ARMH3: variants seen among roughly 807,000 people sequenced by gnomAD.
ARMH3 encodes the protein armadillo-like helical domain-containing protein 3.
A neutral mutation model predicts 99.1 loss-of-function variants in ARMH3; 60 were observed. The ratio of observed to expected loss-of-function variants is 0.61; its 90% confidence interval spans 0.49 to 0.75. The LOEUF is 0.75. Among genes scored for constraint, ARMH3 ranks in the 30% least tolerant of loss-of-function variants. The pLI, the probability that ARMH3 is intolerant of heterozygous loss-of-function variation, is 0.00. For synonymous variants in ARMH3, 285 were observed against 292.8 expected, an observed-to-expected ratio of 0.97 and a Z score of 0.27; for missense variants, 679 against 843.1, an observed-to-expected ratio of 0.81 and a Z score of 2.41.
intron 23 of ARMH3, among the ~76,000 whole-genome samples, chr10:101,921,531 T>C: frequency 6.6e-6 from 1 of 152,200 alleles, no homozygotes; most frequent in East Asian, 1.9e-4. Context: ...ATACCTGCAC[T>C]CTTATGTTTA....
intron 24 of ARMH3, among the ~76,000 whole-genome samples, chr10:101,880,619 A>C (rs1301937063): frequency 6.6e-6 from 1 of 152,112 alleles, no homozygotes; most frequent in Non-Finnish European, 1.5e-5. Flanking sequence ...AACACTACCA[A>C]TCAGCTCCCC....
chr10:101,851,679 G>C (rs1484486660), intron 24 of ARMH3, among the ~76,000 whole-genome samples: 1 of 152,198 alleles, frequency 6.6e-6, no homozygotes, highest in East Asian at 1.9e-4. Flanking sequence ...GAGAGAGAAG[G>C]GCTAGAGGGC....
At chr10:102,041,075 CATAT>C (rs59281655) in intron 1 of ARMH3, among the ~76,000 whole-genome samples, 1 of 132,008 alleles carries the variant, frequency 7.6e-6, no homozygotes, top group Non-Finnish European at 1.6e-5. Flanking sequence ...ATTGTGTGTA[CATAT>C]ATATATATAT....
chr10:101,894,909 C>T (rs1187625429), intron 23 of ARMH3, among the ~76,000 whole-genome samples: 1 of 149,872 alleles, frequency 6.7e-6, no homozygotes, highest in African/African-American at 2.5e-5. Context: ...AGCTCTCTTG[C>T]TATCTGTCAC....
intron 15 of ARMH3, among the ~76,000 whole-genome samples, chr10:101,999,269 G>A (rs1190495971): frequency 6.6e-6 from 1 of 151,560 alleles, no homozygotes; most frequent in Non-Finnish European, 1.5e-5. Context: ...TTGGCTCACT[G>A]CAACCTCCGC....
At chr10:101,897,619 G>A (rs1246079410) in intron 23 of ARMH3, among the ~76,000 whole-genome samples, 1 of 152,148 alleles carries the variant, frequency 6.6e-6, no homozygotes, top group Non-Finnish European at 1.5e-5. Context: ...TGGGGAGGAT[G>A]AGGTGAGGTG....
intron 24 of ARMH3, among the ~76,000 whole-genome samples, chr10:101,862,667 G>A (rs190579891): frequency 3.8e-4 from 57 of 151,186 alleles, no homozygotes; most frequent in Middle Eastern, 3.4e-3. Context: ...AAACGAAAAC[G>A]GATAACTAAA....
At chr10:102,038,738 CTTTT>C in intron 2 of ARMH3, among the ~76,000 whole-genome samples, 1 of 145,358 alleles carries the variant, frequency 6.9e-6, no homozygotes, top group Middle Eastern at 3.6e-3. Flanking sequence ...AATATATGGT[CTTTT>C]TTTTTTTTCT....
At chr10:102,033,234 A>G (rs2067175362) in intron 3 of ARMH3, 49 bp downstream of exon 3, 6 of 1,613,278 alleles carry the variant, frequency 3.7e-6, no homozygotes, top group Non-Finnish European at 5.1e-6. Context: ...AATATATGAG[A>G]AGGCAATTTT....
intron 19 of ARMH3, among the ~76,000 whole-genome samples, chr10:101,985,066 TAA>T (rs1487041174): frequency 9.5e-6 from 1 of 105,166 alleles, no homozygotes; most frequent in Non-Finnish European, 1.9e-5. Flanking sequence ...AGACTCCATC[TAA>T]AAATATATAT....
rs12781621 is a variant in ARMH3, at chr10:101,851,681, C to G, written c.1861-1789G>C. Among the ~76,000 whole-genome samples the G allele has an allele frequency of 6.3e-3, 954 of 152,254 alleles. 5 individuals carry two copies. The highest frequency in any genetic ancestry group is 0.011 in the Non-Finnish European group (741 of 68,026). On this transcript the variant is annotated intron_variant, in intron 24 of 25. Coordinates refer to ENST00000370033, the MANE Select transcript of ARMH3 (RefSeq NM_024541.3). ...AAAAATTCCTGAGGAGAGAGAAGGGCTAGAGGGCACAGGGAAGGCTTGTGT... is the reference window on the plus strand; with the variant it reads ...AAAAATTCCTGAGGAGAGAGAAGGGGTAGAGGGCACAGGGAAGGCTTGTGT...
intron 1 of ARMH3, among the ~76,000 whole-genome samples, chr10:102,049,883 T>C (rs1356458271): frequency 6.6e-6 from 1 of 152,118 alleles, no homozygotes; most frequent in Non-Finnish European, 1.5e-5. Context: ...ATGAGGATAT[T>C]ACTTTGCCCA....
chr10:102,025,861 A>C (rs1190687634), intron 5 of ARMH3, among the ~76,000 whole-genome samples: 2 of 152,064 alleles, frequency 1.3e-5, no homozygotes, highest in Middle Eastern at 3.2e-3. Flanking sequence ...CATGTTGCCC[A>C]GGGTGGTCTC....
chr10:101,865,861 C>G (rs1397749389), intron 24 of ARMH3, among the ~76,000 whole-genome samples: 1 of 152,056 alleles, frequency 6.6e-6, no homozygotes, highest in Admixed American at 6.5e-5. Flanking sequence ...ACTTAAAATG[C>G]CCTGTGACGC....
At chr10:101,982,080 A>G (rs1399160112) in intron 19 of ARMH3, among the ~76,000 whole-genome samples, 4 of 150,184 alleles carry the variant, frequency 2.7e-5, no homozygotes, top group Middle Eastern at 3.4e-3. Flanking sequence ...GATATTAAAA[A>G]TATTTTACAG....
chr10:101,921,477 AC>A (rs1203517700), intron 23 of ARMH3, among the ~76,000 whole-genome samples: 4 of 152,208 alleles, frequency 2.6e-5, no homozygotes, highest in Non-Finnish European at 4.4e-5. Flanking sequence ...GAATACCGCT[AC>A]TGGGTATTTA....
At chr10:102,017,581 C>G (rs570470785) in intron 8 of ARMH3, among the ~76,000 whole-genome samples, 1 of 152,074 alleles carries the variant, frequency 6.6e-6, no homozygotes, top group Non-Finnish European at 1.5e-5. Flanking sequence ...CACATATAAC[C>G]CTCACCTCTC....
intron 17 of ARMH3, among the ~76,000 whole-genome samples, chr10:101,992,913 A>C (rs918195921): frequency 1.3e-5 from 2 of 152,156 alleles, no homozygotes; most frequent in African/African-American, 4.8e-5. Flanking sequence ...CCACTCAAAA[A>C]TTATACTACA....
At chr10:101,882,893 A>AC (rs1322465838) in intron 24 of ARMH3, among the ~76,000 whole-genome samples, 1 of 152,168 alleles carries the variant, frequency 6.6e-6, no homozygotes, top group Admixed American at 6.5e-5. Flanking sequence ...GGAAAGATGA[A>AC]CCCTCTTCAA....
Sources: gnomAD v4.1 joint callset for allele counts (sites outside exome capture counted in the v4.1 genomes callset) on GRCh38, gnomAD v4.1.1 for gene constraint, MANE v1.5 for transcripts, NCBI Gene and HGNC (gene_info 2026-07-23, HGNC 2026-07-21) for gene names.